Variants in RBKS observed in about 807,000 individuals in gnomAD.
The protein encoded by RBKS is ribokinase.
A neutral mutation model predicts 33.9 loss-of-function variants in RBKS; 33 were observed. The ratio of observed to expected loss-of-function variants is 0.97; its 90% CI spans 0.74 to 1.30. The LOEUF (loss-of-function observed/expected upper bound fraction) is 1.30. RBKS is among the 50% of genes most tolerant of loss of function. The pLI is 0.00. For missense variants in RBKS, 361 were observed against 392.6 expected (o/e 0.92, Z 0.68); for synonymous variants, 125 against 143.0 (o/e 0.87, Z 0.90).
chr2:27,805,871 G>A (rs568933664), intron 7 of RBKS, among the ~76,000 whole-genome samples: 1 of 150,930 alleles, frequency 6.6e-6, no homozygotes, highest in Admixed American at 6.6e-5. Flanking sequence ...CACCTTGCCC[G>A]GCCAAAAAAT....
At chr2:27,804,379 C>A (rs897456090) in intron 7 of RBKS, among the ~76,000 whole-genome samples, 1 of 152,282 alleles carries the variant, frequency 6.6e-6, no homozygotes, top group African/African-American at 2.4e-5. Flanking sequence ...CCCCATTCCT[C>A]CCAACCATCC....
chr2:27,793,088 G>A (rs1677568724), intron 7 of RBKS, among the ~76,000 whole-genome samples: 1 of 152,104 alleles, frequency 6.6e-6, no homozygotes, highest in Admixed American at 6.6e-5. Flanking sequence ...TAGATAAACT[G>A]TTAACAGTCA....
At chr2:27,801,963 A>AAAATATATATATAT (rs1308232858) in intron 7 of RBKS, among the ~76,000 whole-genome samples, 1 of 47,620 alleles carries the variant, frequency 2.1e-5, no homozygotes, top group African/African-American at 8.1e-5. Flanking sequence ...AAAAAAAAAA[A>AAAATATATATATAT]ATATATATAT....
intron 7 of RBKS, among the ~76,000 whole-genome samples, chr2:27,799,113 C>G (rs926920522): frequency 6.6e-6 from 1 of 152,168 alleles, no homozygotes; most frequent in African/African-American, 2.4e-5. Context: ...CACACTGTCC[C>G]AGGAACGCCC....
chr2:27,888,846 C>T (rs949663366), intron 1 of RBKS, among the ~76,000 whole-genome samples: 1 of 152,150 alleles, frequency 6.6e-6, no homozygotes, highest in Admixed American at 6.5e-5. Context: ...TATTTACTAT[C>T]TGGCCCTTTA....
rs1663547425 is a variant in RBKS, at chr2:27,843,142, TG to T, written c.438del (p.Val148SerfsTer8). On this transcript the variant is annotated frameshift_variant, in exon 5 of 8. Coordinates refer to ENST00000302188, the MANE Select transcript of RBKS (RefSeq NM_022128.3). LOFTEE classifies it high-confidence loss of function. ...LRAAANVISR[A>X]KVMVCQLEIT... ...ATTTCGAGCTGGCAGACCATGACTT[TG>T]GCTCTGCTAATGACATTGGCTGCTG... is the stretch of plus-strand genomic sequence containing the variant. 6.2e-7 allele frequency: 1 copy of T among 1,612,092 alleles called. No individual in the cohort carries two copies. Among genetic ancestry groups the T allele is most frequent in the Non-Finnish European group, 8.5e-7 (1 of 1,179,070 alleles).
intron 7 of RBKS, among the ~76,000 whole-genome samples, chr2:27,815,541 A>G (rs1226952127): frequency 6.6e-6 from 1 of 152,184 alleles, no homozygotes; most frequent in East Asian, 1.9e-4. Context: ...GGTCTACCCT[A>G]GAAACATTGT....
intron 7 of RBKS, among the ~76,000 whole-genome samples, chr2:27,793,526 G>GT (rs1558534114): frequency 6.6e-6 from 1 of 152,152 alleles, no homozygotes; most frequent in African/African-American, 2.4e-5. Context: ...CCTCAAATGC[G>GT]TAAGACAGAC....
In RBKS at chr2:27,883,637, A is replaced by G. The variant is rs943311428; in HGVS notation, c.89+6620T>C. On this transcript the variant is annotated intron_variant, in intron 1 of 7. Coordinates refer to ENST00000302188, the MANE Select transcript of RBKS (RefSeq NM_022128.3). Reference sequence around the variant, plus strand: ...CTTAGGTTACAGACATGAAAAGCCTAAGGCACAGAGAGCTGGCAAAGGAAT... The same window carrying G: ...CTTAGGTTACAGACATGAAAAGCCTGAGGCACAGAGAGCTGGCAAAGGAAT... Among the ~76,000 whole-genome samples, 19 of 152,240 alleles carry G rather than the reference A, an allele frequency of 1.2e-4. 1 individual carries two copies. Among genetic ancestry groups the G allele is most frequent in the African/African-American group, 3.6e-4 (15 of 41,454 alleles).
intron 1 of RBKS, among the ~76,000 whole-genome samples, chr2:27,872,795 C>T (rs186651463): frequency 6.6e-5 from 10 of 152,190 alleles, no homozygotes; most frequent in South Asian, 2.1e-4. Flanking sequence ...AGAAAGTCAG[C>T]CTAGCTTAAT....
At chr2:27,868,146 AT>A (rs1211069872) in intron 1 of RBKS, among the ~76,000 whole-genome samples, 1 of 152,258 alleles carries the variant, frequency 6.6e-6, no homozygotes, top group Non-Finnish European at 1.5e-5. Context: ...GTTTAAAGAA[AT>A]AAAAACAGAT....
chr2:27,788,886 T>G (rs1677456403), intron 7 of RBKS, among the ~76,000 whole-genome samples: 1 of 152,188 alleles, frequency 6.6e-6, no homozygotes, highest in Non-Finnish European at 1.5e-5. Context: ...TTTCAAGGAC[T>G]GGAAAACTCA....
At chr2:27,815,457 A>C (rs1317290854) in intron 7 of RBKS, among the ~76,000 whole-genome samples, 1 of 151,934 alleles carries the variant, frequency 6.6e-6, no homozygotes, top group African/African-American at 2.4e-5. Context: ...TCTGCCTCCC[A>C]AAGTGCTGGG....
chr2:27,874,905 T>C (rs1664282451), intron 1 of RBKS, among the ~76,000 whole-genome samples: 1 of 152,188 alleles, frequency 6.6e-6, no homozygotes, highest in South Asian at 2.1e-4. Context: ...AAATTCTCCT[T>C]TCACTCTTAT....
At chr2:27,865,149 T>C (rs1664069004) in intron 1 of RBKS, among the ~76,000 whole-genome samples, 1 of 152,088 alleles carries the variant, frequency 6.6e-6, no homozygotes, top group South Asian at 2.1e-4. Context: ...TGAAACCTCA[T>C]CTCTACTAAA....
intron 2 of RBKS, among the ~76,000 whole-genome samples, chr2:27,856,557 T>C (rs1663859670): frequency 6.6e-6 from 1 of 152,198 alleles, no homozygotes; most frequent in South Asian, 2.1e-4. Context: ...ATAAAATCAA[T>C]TTCATAATCT....
rs886898197 is a variant in RBKS, at chr2:27,858,617, A to C, written c.90-46T>G. The stretch of plus-strand genomic sequence containing the variant: ...AAGAAAAAAGCATATTGGTAACTGT[A>C]ATCAATTTAAGTTCTTTAGAAGAGA... On this transcript the variant is annotated intron_variant, in intron 1 of 7. Coordinates refer to ENST00000302188, the MANE Select transcript of RBKS (RefSeq NM_022128.3). The C allele has an allele frequency of 1.5e-5, 23 of 1,567,338 alleles. No individual in the cohort carries two copies. The Admixed American group carries it at 2.9e-4, about 20-fold the overall frequency.
rs1379719107 is a variant in RBKS at position 27,837,390 on chromosome 2, T to C, written c.515-4613A>G. Among the ~76,000 whole-genome samples, 1 of 152,186 alleles carries C rather than the reference T, an allele frequency of 6.6e-6. No homozygotes were observed. The highest frequency in any genetic ancestry group is 1.5e-5 in the Non-Finnish European group (1 of 68,032). Reference sequence around the variant, plus strand: ...CACTGTTGGCAGGAATGTAACTTAGTTCAGTCATGTAGAAAGCAGTTTGGA... The same window carrying C: ...CACTGTTGGCAGGAATGTAACTTAGCTCAGTCATGTAGAAAGCAGTTTGGA... On this transcript the variant is annotated intron_variant, in intron 5 of 7. Transcript: ENST00000302188. The surrounding 1 kb of genome is among the most constrained non-coding windows in gnomAD (Gnocchi z 4.0).
rs548186759 is a variant in RBKS at position 27,849,346 on chromosome 2, T to C, written c.223-1249A>G. On this transcript the variant is annotated intron_variant, in intron 2 of 7. Coordinates refer to ENST00000302188, the MANE Select transcript of RBKS (RefSeq NM_022128.3). ...GGGAGGTCAAGGCGGATGGATCACCTGAGGTCAGGAGTTCGAGGCCAGCCT... is the reference window on the plus strand; with the variant it reads ...GGGAGGTCAAGGCGGATGGATCACCCGAGGTCAGGAGTTCGAGGCCAGCCT... 3.9e-5 allele frequency among the ~76,000 whole-genome samples: 6 copies of C among 151,922 alleles called. No homozygotes were observed. The East Asian group carries it at 1.2e-3, about 29-fold the overall frequency.
Sources: allele counts gnomAD v4.1 joint callset (sites outside exome capture counted in the v4.1 genomes callset), GRCh38; gene constraint gnomAD v4.1.1; non-coding constraint Gnocchi (gnomAD v3.1); transcripts MANE v1.5; gene names NCBI Gene and HGNC (gene_info 2026-07-23, HGNC 2026-07-21).